MIPOL1: variants seen among roughly 807,000 people sequenced by gnomAD.
The protein encoded by MIPOL1 is mirror-image polydactyly gene 1 protein.
A neutral mutation model predicts 60.9 loss-of-function variants in MIPOL1; 57 were observed. The ratio of observed to expected loss-of-function variants is 0.94; its 90% CI spans 0.76 to 1.17. The LOEUF (loss-of-function observed/expected upper bound fraction) is 1.17. Among genes scored for constraint, MIPOL1 ranks in the 50% most tolerant of loss-of-function variants. The probability of loss-of-function intolerance (pLI) is 0.00; values close to 1 mark genes in which losing one functional copy is unlikely to be tolerated. For synonymous variants in MIPOL1, 179 were observed against 168.8 expected (o/e 1.06, Z -0.47); for missense variants, 551 against 511.6 (o/e 1.08, Z -0.74).
intron 11 of MIPOL1, among the ~76,000 whole-genome samples, chr14:37,486,592 A>G (rs527921264): frequency 6.6e-6 from 1 of 152,232 alleles, no homozygotes; most frequent in Admixed American, 6.5e-5. Flanking sequence ...TCTTTGTAGC[A>G]TTTGTGAATG....
intron 11 of MIPOL1, among the ~76,000 whole-genome samples, chr14:37,445,976 G>A (rs2094327576): frequency 6.6e-6 from 1 of 152,076 alleles, no homozygotes; most frequent in African/African-American, 2.4e-5. Context: ...AACCCTAGAA[G>A]AAAACCTAGG....
At chr14:37,355,905 C>T (rs10142403) in intron 9 of MIPOL1, among the ~76,000 whole-genome samples, 82,523 of 145,086 alleles carry the variant, frequency 0.57, 24,950 homozygotes, top group Non-Finnish European at 0.67. Flanking sequence ...CTTCTCTCAG[C>T]TCGTCAAAGT....
chr14:37,215,152 C>G (rs766512187), intron 1 of MIPOL1, among the ~76,000 whole-genome samples: 2 of 152,228 alleles, frequency 1.3e-5, no homozygotes, highest in Non-Finnish European at 2.9e-5. Flanking sequence ...TCTCTCTGTC[C>G]GCCTTGGCTG....
intron 7 of MIPOL1, among the ~76,000 whole-genome samples, chr14:37,295,901 A>G (rs2085618500): frequency 6.6e-6 from 1 of 152,180 alleles, no homozygotes; most frequent in South Asian, 2.1e-4. Context: ...TCAACGAGAC[A>G]GAAAGTTAAC....
At chr14:37,490,326 C>T (rs955583682) in intron 11 of MIPOL1, among the ~76,000 whole-genome samples, 5 of 152,140 alleles carry the variant, frequency 3.3e-5, no homozygotes, top group Non-Finnish European at 7.4e-5. Context: ...CATCCGAGGT[C>T]GACCTCATAC....
intron 10 of MIPOL1, among the ~76,000 whole-genome samples, chr14:37,419,415 C>A (rs2093829539): frequency 6.6e-6 from 1 of 152,174 alleles, no homozygotes; most frequent in African/African-American, 2.4e-5. Context: ...TGTGTCAAGA[C>A]TGGATAACTT....
intron 3 of MIPOL1, among the ~76,000 whole-genome samples, chr14:37,260,747 G>T (rs2082466144): frequency 6.6e-6 from 1 of 152,062 alleles, no homozygotes; most frequent in Admixed American, 6.6e-5. Context: ...AAAAAGCCCT[G>T]AGAGAGCTAG....
At chr14:37,512,849 G>A (rs973084775) in intron 12 of MIPOL1, among the ~76,000 whole-genome samples, 1 of 152,064 alleles carries the variant, frequency 6.6e-6, no homozygotes, top group Non-Finnish European at 1.5e-5. Context: ...TGATTTATTA[G>A]TACTATTAAT....
chr14:37,546,896 C>G lies in MIPOL1; in HGVS notation c.1263-9C>G. On this transcript the variant is annotated splice_polypyrimidine_tract_variant and intron_variant, in intron 12 of 12. Coordinates refer to ENST00000684589, the MANE Select transcript of MIPOL1 (RefSeq NM_001388067.1). ...TCCCCTTCTCACCCCCATCCCAACC[C>G]CAACTTAGGTTGGAAAGGCTGGTGG... The G allele has an allele frequency of 6.2e-7, 1 of 1,613,146 alleles. No homozygotes were observed. The highest frequency in any genetic ancestry group is 8.5e-7 in the Non-Finnish European group (1 of 1,179,472).
intron 11 of MIPOL1, among the ~76,000 whole-genome samples, chr14:37,442,171 C>T (rs1160188264): frequency 6.6e-6 from 1 of 150,674 alleles, no homozygotes; most frequent in East Asian, 2.0e-4. Flanking sequence ...TGGCTGTCAG[C>T]TGAATGTTAT....
chr14:37,298,550 C>G (rs903911787), intron 7 of MIPOL1, among the ~76,000 whole-genome samples: 4 of 152,152 alleles, frequency 2.6e-5, no homozygotes, highest in South Asian at 4.1e-4. Context: ...GCAACCTACT[C>G]ATCTGACAAA....
intron 3 of MIPOL1, among the ~76,000 whole-genome samples, chr14:37,255,903 A>G (rs1239478500): frequency 2.0e-5 from 3 of 151,816 alleles, no homozygotes; most frequent in Non-Finnish European, 4.4e-5. Flanking sequence ...ATTTAGTACT[A>G]TAATATTAGG....
chr14:37,357,445 A>G (rs575109769), intron 9 of MIPOL1, among the ~76,000 whole-genome samples: 2 of 152,224 alleles, frequency 1.3e-5, no homozygotes, highest in South Asian at 2.1e-4. Flanking sequence ...GTTAAAAGCC[A>G]TTTTAACTGG....
At chr14:37,247,979 T>G in intron 3 of MIPOL1, 72 bp downstream of exon 3, 2 of 1,518,898 alleles carry the variant, frequency 1.3e-6, no homozygotes, top group Non-Finnish European at 1.8e-6. Flanking sequence ...TGAAGTGTGT[T>G]TGTTCTAACC....
intron 9 of MIPOL1, among the ~76,000 whole-genome samples, chr14:37,336,108 T>G (rs2090092487): frequency 2.7e-3 from 2 of 742 alleles, no homozygotes; most frequent in Middle Eastern, 0.5. Context: ...ATTCATGGTT[T>G]TTTTTTTTTT....
chr14:37,522,071 A>T (rs188161349), intron 12 of MIPOL1, among the ~76,000 whole-genome samples: 2 of 150,946 alleles, frequency 1.3e-5, no homozygotes, highest in East Asian at 3.9e-4. Context: ...TCAATTTAAC[A>T]CATTTTATTG....
chr14:37,314,661 T>G (rs1235659859), intron 9 of MIPOL1, among the ~76,000 whole-genome samples: 2 of 152,184 alleles, frequency 1.3e-5, no homozygotes, highest in African/African-American at 4.8e-5. Context: ...GTGCCCATAT[T>G]TTACCTTGTA....
chr14:37,210,185 GAC>G, intron 1 of MIPOL1, among the ~76,000 whole-genome samples: 1 of 151,982 alleles, frequency 6.6e-6, no homozygotes, highest in East Asian at 1.9e-4. Context: ...ACAAGCAGTG[GAC>G]ACCAACTGGA....
Position 37,333,839 on chromosome 14 carries a change from C to T in MIPOL1, c.828+25320C>T, listed in dbSNP as rs147244595. Among the ~76,000 whole-genome samples the T allele has an allele frequency of 1.1e-3, 171 of 152,066 alleles. 2 individuals are homozygous for T. The East Asian group carries it at 0.029, about 25-fold the overall frequency. Reference sequence around the variant, plus strand: ...AGACGATTTGAACAAAATTCATTACCGTTAGAGAAGGCTTGACTTTGCAAT... The same window carrying T: ...AGACGATTTGAACAAAATTCATTACTGTTAGAGAAGGCTTGACTTTGCAAT... On this transcript the variant is annotated intron_variant, in intron 9 of 12. Coordinates refer to ENST00000684589, the MANE Select transcript of MIPOL1 (RefSeq NM_001388067.1).
Sources: allele counts gnomAD v4.1 joint callset (sites outside exome capture counted in the v4.1 genomes callset), GRCh38; gene constraint gnomAD v4.1.1; transcripts MANE v1.5; gene names NCBI Gene and HGNC (gene_info 2026-07-23, HGNC 2026-07-21).